Variants in HECTD2 observed in about 807,000 individuals in gnomAD.
The protein encoded by HECTD2 is probable E3 ubiquitin-protein ligase HECTD2.
A neutral mutation model predicts 103.2 loss-of-function variants in HECTD2; 35 were observed. The observed-to-expected ratio is 0.34, with a 90% CI of 0.26 to 0.45. HECTD2 has a LOEUF of 0.45. Among genes scored for constraint, HECTD2 ranks in the 20% least tolerant of loss-of-function variants. The probability of loss-of-function intolerance (pLI) is 1.00; values close to 1 mark genes in which losing one functional copy is unlikely to be tolerated. For missense variants in HECTD2, 596 were observed against 937.4 expected (o/e 0.64, Z 4.76); for synonymous variants, 281 against 329.9 (o/e 0.85, Z 1.61).
intron 14 of HECTD2, among the ~76,000 whole-genome samples, chr10:91,494,609 G>T (rs982325948): frequency 6.6e-6 from 1 of 152,008 alleles, no homozygotes; most frequent in Non-Finnish European, 1.5e-5. Flanking sequence ...TACACATTAA[G>T]ATAGTAAACT....
At position 91,487,788 on chromosome 10, in the gene HECTD2, C is replaced by G; in HGVS notation, c.1191+10C>G. On this transcript the variant is annotated intron_variant, in intron 11 of 20. Transcript: ENST00000298068. The surrounding 1 kb of genome is among the most constrained non-coding windows in gnomAD (Gnocchi z 4.1). ...GATAAACATCGCAAGGGTAAGTCAG[C>G]TATAAAAACATATTTATGCTGACTA... The G allele has an allele frequency of 6.8e-7, 1 of 1,476,840 alleles. No homozygotes were observed. Among genetic ancestry groups the G allele is most frequent in the African/African-American group, 1.4e-5 (1 of 71,232 alleles). 91.5% of individuals were successfully genotyped at this position (1,476,840 alleles called of 1,614,324 possible). A position where few individuals can be genotyped will look rare whatever the true frequency, so the allele number is the denominator to read the frequency against.
intron 2 of HECTD2, among the ~76,000 whole-genome samples, chr10:91,429,753 T>A (rs1469917990): frequency 3.3e-5 from 5 of 152,182 alleles, no homozygotes; most frequent in Non-Finnish European, 5.9e-5. Context: ...ATTGCATCTA[T>A]TTGATTCTTC....
intron 5 of HECTD2, among the ~76,000 whole-genome samples, chr10:91,472,187 G>A (rs993889202): frequency 2.0e-5 from 3 of 151,836 alleles, no homozygotes; most frequent in African/African-American, 7.2e-5. Context: ...CTTTGACAAA[G>A]TCCACAAAAT....
rs1448430692 is a variant in HECTD2 at position 91,514,683 on chromosome 10, T to G, written c.*2299T>G. The stretch of plus-strand genomic sequence containing the variant: ...GTCTGTATGATTAGAAGTTTTTACG[T>G]CCTTCCTTTTTTGTACAAATCTGTA... On this transcript the variant is annotated 3_prime_UTR_variant, in exon 21 of 21. Transcript: ENST00000298068. 2 of 152,658 alleles carry G rather than the reference T, an allele frequency of 1.3e-5. No homozygotes were observed. The highest frequency in any genetic ancestry group is 6.5e-5 in the Admixed American group (1 of 15,272). The allele number at this position is 152,658 out of a possible 1,614,324, so 9.5% of individuals were successfully genotyped here.
intron 5 of HECTD2, among the ~76,000 whole-genome samples, chr10:91,476,096 T>A (rs1470622319): frequency 1.3e-5 from 2 of 152,316 alleles, no homozygotes; most frequent in East Asian, 3.9e-4. Flanking sequence ...GCCAGTGATG[T>A]TAGTCTGCGT....
chr10:91,421,672 T>A (rs1199143559), intron 1 of HECTD2, among the ~76,000 whole-genome samples: 2 of 152,252 alleles, frequency 1.3e-5, no homozygotes, highest in African/African-American at 4.8e-5. Flanking sequence ...AAATTCATTA[T>A]TTCATCATGC....
At chr10:91,463,567 T>A (rs972484758) in intron 5 of HECTD2, 2 of 152,214 alleles carry the variant, frequency 1.3e-5, no homozygotes, top group Admixed American at 1.3e-4. Flanking sequence ...AAAGGAGAGT[T>A]TTATCTCCTT....
chr10:91,454,980 T>G (rs1845012822), intron 2 of HECTD2, among the ~76,000 whole-genome samples: 1 of 152,176 alleles, frequency 6.6e-6, no homozygotes, highest in South Asian at 2.1e-4. Context: ...TGATGGACAT[T>G]TGGGTTAGTT....
At chr10:91,435,331 T>G (rs1187938555) in intron 2 of HECTD2, among the ~76,000 whole-genome samples, 1 of 151,886 alleles carries the variant, frequency 6.6e-6, no homozygotes, top group Non-Finnish European at 1.5e-5. Context: ...TCAGAAAGAC[T>G]CCTCCAACTG....
At position 91,485,272 on chromosome 10, in the gene HECTD2, C is replaced by T. The variant is rs2133292304; in HGVS notation, c.1063C>T (p.His355Tyr). Residue 355 changes from histidine (H) to tyrosine (Y), a missense_variant, in exon 10 of 21, where the codon CAT (histidine) becomes TAT (tyrosine). Physicochemically the swap from His to Tyr is moderately conservative, Grantham distance 83. Coordinates refer to ENST00000298068, the MANE Select transcript of HECTD2 (RefSeq NM_182765.6). ...TCACATTGATCTCATGGAAGAATATCATACTTGGCAAAACTTTGGAAACTC... is the reference window on the plus strand; with the variant it reads ...TCACATTGATCTCATGGAAGAATATTATACTTGGCAAAACTTTGGAAACTC... ...LDHIDLMEEYHTWQNFGNSHR... is the reference protein window; with the variant it reads ...LDHIDLMEEYYTWQNFGNSHR... 6.3e-7 allele frequency: 1 copy of T among 1,594,686 alleles called. No individual in the cohort carries two copies. The highest frequency in any genetic ancestry group is 1.1e-5 in the South Asian group (1 of 87,188).
At chr10:91,412,731 A>C (rs565367430) in intron 1 of HECTD2, among the ~76,000 whole-genome samples, 1 of 151,570 alleles carries the variant, frequency 6.6e-6, no homozygotes, top group African/African-American at 2.4e-5. Flanking sequence ...TAGAATTCAG[A>C]GCTAATAGCA....
chr10:91,431,157 A>G (rs1205460564), intron 2 of HECTD2, among the ~76,000 whole-genome samples: 3 of 151,774 alleles, frequency 2.0e-5, no homozygotes, highest in Admixed American at 6.6e-5. Context: ...TTGGCTGGAT[A>G]TGAAATTCTG....
intron 5 of HECTD2, among the ~76,000 whole-genome samples, chr10:91,476,625 G>A (rs981436166): frequency 1.5e-4 from 23 of 152,170 alleles, no homozygotes; most frequent in African/African-American, 5.6e-4. Flanking sequence ...GTGCCAAACG[G>A]GACTTGGCCA....
intron 2 of HECTD2, among the ~76,000 whole-genome samples, chr10:91,427,903 G>A (rs1843643128): frequency 6.6e-6 from 1 of 151,690 alleles, no homozygotes; most frequent in Non-Finnish European, 1.5e-5. Context: ...TGTCAATTTT[G>A]TCTTTTGTTG....
chr10:91,436,112 C>T (rs1365637655), intron 2 of HECTD2, among the ~76,000 whole-genome samples: 1 of 151,564 alleles, frequency 6.6e-6, no homozygotes, highest in African/African-American at 2.4e-5. Flanking sequence ...TTTTCTTCTC[C>T]CTGCATGGTG....
chr10:91,490,890 CAAAA>C (rs61035151), intron 11 of HECTD2, among the ~76,000 whole-genome samples: 17 of 13,590 alleles, frequency 1.3e-3, no homozygotes, highest in African/African-American at 2.5e-3. Flanking sequence ...GACTCCGTCT[CAAAA>C]AAAAAAAAAA....
chr10:91,501,233 A>G lies in HECTD2; in HGVS notation c.2109A>G (p.Gln703=), dbSNP rs757366550. ...DVVLGFPLDL[Q]KKLLHFTTGS... is the part of the protein sequence containing the mutation. ...TGCTTGGATTTCCTCTTGATCTTCA[A>G]AAGAAGTTGCTACATTTTACTACAG... The change falls in exon 20 of 21, where the codon CAA becomes CAG. Residue 703 remains glutamine, a synonymous_variant. Coordinates refer to ENST00000298068, the MANE Select transcript of HECTD2 (RefSeq NM_182765.6). 1.2e-6 allele frequency: 2 copies of G among 1,610,854 alleles called. No homozygotes were observed. The highest frequency in any genetic ancestry group is 2.2e-5 in the South Asian group (2 of 90,696).
intron 11 of HECTD2, 131 bp from the exon 12 acceptor site, chr10:91,491,069 G>A (rs1024378879): frequency 3.1e-5 from 15 of 489,146 alleles, no homozygotes; most frequent in South Asian, 2.1e-4. Context: ...GTGTATAATT[G>A]ATTTTTATAA....
Position 91,497,156 on chromosome 10 carries a change from A to G in HECTD2, c.1680+784A>G, listed in dbSNP as rs1456118054. Among the ~76,000 whole-genome samples the G allele has an allele frequency of 1.6e-4, 10 of 62,174 alleles. No individual in the cohort carries two copies. In the East Asian group the frequency reaches 4.3e-3, roughly 27 times the overall value. 40.8% of individuals were successfully genotyped at this position (62,174 alleles called of 152,430 possible). ...TTTTTTTTTTTTTTTTTTTTTTTTT[A>G]GCAGAGACGGGGTTTTGCCATGTTG... On this transcript the variant is annotated intron_variant, in intron 15 of 20. Transcript: ENST00000298068.
Sources: gnomAD v4.1 joint callset for allele counts (sites outside exome capture counted in the v4.1 genomes callset) on GRCh38, gnomAD v4.1.1 for gene constraint, Gnocchi (gnomAD v3.1) non-coding constraint, MANE v1.5 for transcripts, NCBI Gene and HGNC (gene_info 2026-07-23, HGNC 2026-07-21) for gene names.